Variants in TRMT9B observed in about 807,000 individuals in gnomAD.
TRMT9B encodes the protein probable tRNA methyltransferase 9B.
A neutral mutation model predicts 11.5 loss-of-function variants in TRMT9B; 16 were observed. That is an observed-to-expected ratio of 1.39 (90% CI 0.94 to 2.11). The LOEUF (loss-of-function observed/expected upper bound fraction) is 2.11, where lower values mean the gene tolerates loss of function less well. Among genes scored for constraint, TRMT9B ranks in the 30% most tolerant of loss-of-function variants. The pLI is 0.00. For synonymous variants in TRMT9B, 274 were observed against 192.4 expected, an observed-to-expected ratio of 1.42 and a Z score of -3.51; for missense variants, 941 against 553.8, an observed-to-expected ratio of 1.70 and a Z score of -7.02.
At chr8:12,965,712 C>G (rs898626067) in intron 1 of TRMT9B, among the ~76,000 whole-genome samples, 1 of 151,718 alleles carries the variant, frequency 6.6e-6, no homozygotes, top group Admixed American at 6.6e-5. Flanking sequence ...AAGTGGCAGC[C>G]GACAGCAAGG....
At chr8:12,977,472 G>A (rs1164508581) in intron 1 of TRMT9B, among the ~76,000 whole-genome samples, 1 of 152,194 alleles carries the variant, frequency 6.6e-6, no homozygotes, top group African/African-American at 2.4e-5. Flanking sequence ...GGAGGCTGAG[G>A]TGGGTGGATC....
At chr8:13,010,737 C>T (rs983721973) in intron 3 of TRMT9B, 1 of 984,020 alleles carries the variant, frequency 1.0e-6, no homozygotes, top group Non-Finnish European at 1.2e-6. Flanking sequence ...AAGTATCCCT[C>T]GAGCCAATGA....
intron 1 of TRMT9B, among the ~76,000 whole-genome samples, chr8:12,982,655 C>G (rs1407555075): frequency 6.6e-6 from 1 of 150,504 alleles, no homozygotes; most frequent in Admixed American, 6.6e-5. Context: ...GAGAGAGACT[C>G]CATCTCAAAA....
chr8:12,948,917 A>G (rs930305917), intron 1 of TRMT9B, among the ~76,000 whole-genome samples: 1 of 152,188 alleles, frequency 6.6e-6, no homozygotes, highest in African/African-American at 2.4e-5. Flanking sequence ...CCGAGATCGC[A>G]CCACTGCACT....
chr8:12,975,067 A>G (rs569965194), intron 1 of TRMT9B, among the ~76,000 whole-genome samples: 3 of 152,020 alleles, frequency 2.0e-5, no homozygotes, highest in Admixed American at 2.0e-4. Context: ...TTTTACACTA[A>G]TGGGGAAAAT....
chr8:13,009,681 G>A (rs1311735990), intron 3 of TRMT9B, among the ~76,000 whole-genome samples: 3 of 151,926 alleles, frequency 2.0e-5, no homozygotes, highest in African/African-American at 7.3e-5. Context: ...TATACACCTA[G>A]GTTTTGTTAT....
chr8:13,019,867 C>T (rs901957305), intron 4 of TRMT9B, among the ~76,000 whole-genome samples: 1 of 152,156 alleles, frequency 6.6e-6, no homozygotes, highest in Non-Finnish European at 1.5e-5. Flanking sequence ...GTGTGTTGTT[C>T]TTCAAACCCA....
In TRMT9B at chr8:13,005,608, C is replaced by G. The variant is rs534377926; in HGVS notation, c.-1-594C>G. On this transcript the variant is annotated intron_variant, in intron 2 of 4. Coordinates refer to ENST00000524591, the MANE Select transcript of TRMT9B (RefSeq NM_020844.3). ...AATAAATAAATAAGAAGCAACACAACCAGTCCTATATTTTACAAAAATAAT... is the reference window on the plus strand; with the variant it reads ...AATAAATAAATAAGAAGCAACACAAGCAGTCCTATATTTTACAAAAATAAT... Among the ~76,000 whole-genome samples the G allele has an allele frequency of 5.1e-4, 77 of 152,184 alleles. No homozygotes were observed. The South Asian group carries it at 0.016, about 31-fold the overall frequency.
intron 3 of TRMT9B, 135 bp from the exon 4 acceptor site, chr8:13,012,549 T>C (rs778048153): frequency 9.8e-5 from 115 of 1,179,428 alleles, no homozygotes; most frequent in Non-Finnish European, 1.2e-4. Flanking sequence ...CACTCCAGCC[T>C]GGGTGACTGA....
At chr8:12,953,544 G>C (rs535488113) in intron 1 of TRMT9B, among the ~76,000 whole-genome samples, 1 of 152,072 alleles carries the variant, frequency 6.6e-6, no homozygotes, top group Non-Finnish European at 1.5e-5. Context: ...TAGAGAGGGG[G>C]ATTTCACCTT....
intron 4 of TRMT9B, among the ~76,000 whole-genome samples, chr8:13,017,428 G>A (rs1292016831): frequency 6.6e-6 from 1 of 152,052 alleles, no homozygotes; most frequent in African/African-American, 2.4e-5. Flanking sequence ...TTGCCTTTAA[G>A]TTGTGATTAT....
intron 4 of TRMT9B, among the ~76,000 whole-genome samples, chr8:13,020,237 G>A (rs1248672218): frequency 2.6e-5 from 4 of 152,100 alleles, no homozygotes; most frequent in African/African-American, 9.7e-5. Flanking sequence ...TCTATGTAGG[G>A]AAAAATAATT....
chr8:12,962,179 C>A lies in TRMT9B; in HGVS notation c.-200+16213C>A, dbSNP rs935916097. 5 of 152,394 alleles carry A rather than the reference C, an allele frequency of 3.3e-5. No individual in the cohort carries two copies. The East Asian group carries it at 9.6e-4, about 29-fold the overall frequency. The allele number at this position is 152,394 out of a possible 1,614,324, so 9.4% of individuals were successfully genotyped here. ...TGCATTGAGTTGGCAGAAATGCAGA[C>A]CTTGATATTCTTGCTTTGCTAGGAC... On this transcript the variant is annotated intron_variant, in intron 1 of 4. Coordinates refer to ENST00000524591, the MANE Select transcript of TRMT9B (RefSeq NM_020844.3).
At chr8:12,973,588 G>A (rs1481433553) in intron 1 of TRMT9B, among the ~76,000 whole-genome samples, 1 of 152,210 alleles carries the variant, frequency 6.6e-6, no homozygotes, top group African/African-American at 2.4e-5. Context: ...AAAGACAGGT[G>A]GCATTGGCTA....
chr8:13,018,062 C>T (rs1018713632), intron 4 of TRMT9B, among the ~76,000 whole-genome samples: 1 of 144,280 alleles, frequency 6.9e-6, no homozygotes, highest in Non-Finnish European at 1.5e-5. Context: ...GGAATGGTCA[C>T]TTAAGCATTA....
chr8:13,014,391 G>T (rs1812229889), intron 4 of TRMT9B, among the ~76,000 whole-genome samples: 4 of 152,178 alleles, frequency 2.6e-5, no homozygotes, highest in Admixed American at 2.6e-4. Context: ...GTAAGGTTCT[G>T]GTAGGGACCC....
chr8:13,019,712 A>G lies in TRMT9B; in HGVS notation c.329-1296A>G, dbSNP rs370692029. ...GCTTAGTAATCAGGACTCTACTTCT[A>G]GAAAGGTATGCTTTCAAATGAGCCA... On this transcript the variant is annotated intron_variant, in intron 4 of 4. Transcript: ENST00000524591. Among the ~76,000 whole-genome samples, 168 of 152,360 alleles carry G rather than the reference A, an allele frequency of 1.1e-3. 1 individual carries two copies. Among genetic ancestry groups the G allele is most frequent in the African/African-American group, 3.9e-3 (161 of 41,580 alleles).
At chr8:13,001,934 C>G (rs1241350175) in intron 2 of TRMT9B, among the ~76,000 whole-genome samples, 2 of 152,154 alleles carry the variant, frequency 1.3e-5, no homozygotes, top group East Asian at 1.9e-4. Context: ...GTCTTATTAG[C>G]TTAGTCACAC....
chr8:13,019,092 A>C (rs1199952469), intron 4 of TRMT9B, among the ~76,000 whole-genome samples: 1 of 152,062 alleles, frequency 6.6e-6, no homozygotes, highest in East Asian at 1.9e-4. Context: ...TGGAGTATTG[A>C]TTTGGGGGAT....
Sources: gnomAD v4.1 joint callset for allele counts (sites outside exome capture counted in the v4.1 genomes callset) on GRCh38, gnomAD v4.1.1 for gene constraint, MANE v1.5 for transcripts, NCBI Gene and HGNC (gene_info 2026-07-23, HGNC 2026-07-21) for gene names.